CIT: variants seen among roughly 807,000 people sequenced by gnomAD.
CIT encodes the protein citron Rho-interacting kinase.
A neutral mutation model predicts 272.7 loss-of-function variants in CIT; 79 were observed. The ratio of observed to expected loss-of-function variants is 0.29; its 90% CI spans 0.24 to 0.35. CIT has a LOEUF of 0.35. Among genes scored for constraint, CIT ranks in the 10% least tolerant of loss-of-function variants. The pLI is 1.00. For synonymous variants in CIT, 948 were observed against 995.6 expected, an observed-to-expected ratio of 0.95 and a Z score of 0.90; for missense variants, 1,909 against 2,618.3, an observed-to-expected ratio of 0.73 and a Z score of 5.91.
chr12:119,742,366 T>A (rs915305796), intron 24 of CIT, 45 bp downstream of exon 24: 15 of 1,427,294 alleles, frequency 1.1e-5, no homozygotes, highest in Non-Finnish European at 1.4e-5. Context: ...CTCCTCTGTT[T>A]TAGTTTCATG....
Position 119,728,445 on chromosome 12 carries a change from C to G in CIT, c.3591+57G>C, listed in dbSNP as rs1277266369. 1.8e-6 allele frequency: 2 copies of G among 1,097,686 alleles called. No individual in the cohort carries two copies. Among genetic ancestry groups the G allele is most frequent in the Non-Finnish European group, 2.7e-6 (2 of 738,698 alleles). The allele number at this position is 1,097,686 out of a possible 1,614,324, so 68.0% of individuals were successfully genotyped here. ...CTAAAGCTGCTCCAAAAAAAAGAAGCCTATTAAAAGAAAAAAAAAATCCAC... is the reference window on the plus strand; with the variant it reads ...CTAAAGCTGCTCCAAAAAAAAGAAGGCTATTAAAAGAAAAAAAAAATCCAC... On this transcript the variant is annotated intron_variant, in intron 28 of 47. Coordinates refer to ENST00000392521, the MANE Select transcript of CIT (RefSeq NM_001206999.2). The surrounding 1 kb of genome is among the most constrained non-coding windows in gnomAD (Gnocchi z 4.3).
chr12:119,821,332 T>C (rs1414187777), intron 9 of CIT, among the ~76,000 whole-genome samples: 2 of 152,092 alleles, frequency 1.3e-5, no homozygotes, highest in African/African-American at 4.8e-5. Flanking sequence ...GCAAATACAT[T>C]TTGTGAGTCT....
At chr12:119,795,377 ACT>A (rs1965644886) in intron 10 of CIT, among the ~76,000 whole-genome samples, 1 of 152,200 alleles carries the variant, frequency 6.6e-6, no homozygotes, top group Admixed American at 6.5e-5. Context: ...ACAGAATGAG[ACT>A]CTGTCTCAAA....
chr12:119,815,287 T>C (rs908970466), intron 9 of CIT, among the ~76,000 whole-genome samples: 1 of 151,080 alleles, frequency 6.6e-6, no homozygotes, highest in Non-Finnish European at 1.5e-5. Flanking sequence ...GAGCACTGCT[T>C]ATCAGAAACC....
chr12:119,725,704 G>C (rs1047157203), intron 28 of CIT, among the ~76,000 whole-genome samples: 15 of 152,348 alleles, frequency 9.8e-5, no homozygotes, highest in Admixed American at 2.0e-4. Context: ...AAGTGAGAAG[G>C]AGGGAACTGA....
intron 1 of CIT, 79 bp from the exon 2 acceptor site, chr12:119,876,260 A>G (rs1950841963): frequency 7.0e-6 from 6 of 853,094 alleles, no homozygotes; most frequent in Admixed American, 2.3e-5. Context: ...CTCCCTCAAG[A>G]TATCAGGGAC....
intron 46 of CIT, among the ~76,000 whole-genome samples, chr12:119,692,799 C>T (rs1306360541): frequency 6.6e-6 from 1 of 152,240 alleles, no homozygotes; most frequent in Non-Finnish European, 1.5e-5. Flanking sequence ...ATGCCATGCT[C>T]TTGCTTTCCC....
chr12:119,835,739 T>C (rs1380368343), intron 5 of CIT, among the ~76,000 whole-genome samples: 2 of 152,094 alleles, frequency 1.3e-5, no homozygotes, highest in Non-Finnish European at 2.9e-5. Flanking sequence ...AAGTCAGAAG[T>C]AGAGCATCTG....
intron 16 of CIT, among the ~76,000 whole-genome samples, chr12:119,774,099 G>A (rs927689463): frequency 3.9e-5 from 6 of 152,188 alleles, no homozygotes; most frequent in African/African-American, 1.4e-4. Flanking sequence ...ATATAAAGTA[G>A]TCAAAATCAT....
chr12:119,792,326 C>A (rs570281524), intron 10 of CIT, among the ~76,000 whole-genome samples: 23 of 147,650 alleles, frequency 1.6e-4, no homozygotes, highest in Admixed American at 6.7e-4. Flanking sequence ...CAGCTGAGGG[C>A]CCCACCTTTA....
In CIT at chr12:119,690,486, G is replaced by A. The variant is rs1470197847; in HGVS notation, c.5883-32C>T. 1 of 1,536,246 alleles carries A rather than the reference G, an allele frequency of 6.5e-7. No individual in the cohort carries two copies. Among genetic ancestry groups the A allele is most frequent in the Non-Finnish European group, 8.7e-7 (1 of 1,152,576 alleles). ...ACACAAGAGGAACGTAGGGAGCTGC[G>A]AGGCCACAACCCCAGAGGGGCATTT... is the stretch of plus-strand genomic sequence containing the variant. On this transcript the variant is annotated intron_variant, in intron 46 of 47. Transcript: ENST00000392521. The surrounding 1 kb of genome is among the most constrained non-coding windows in gnomAD (Gnocchi z 6.0).
At chr12:119,702,655 A>C (rs987296283) in intron 41 of CIT, among the ~76,000 whole-genome samples, 3 of 152,068 alleles carry the variant, frequency 2.0e-5, no homozygotes, top group African/African-American at 7.2e-5. Context: ...CCATTGCACT[A>C]CAGCCTGGGC....
intron 23 of CIT, among the ~76,000 whole-genome samples, chr12:119,749,326 C>A (rs1463695526): frequency 3.3e-5 from 5 of 152,212 alleles, no homozygotes; most frequent in Non-Finnish European, 7.3e-5. Context: ...ATAGATCCAG[C>A]TGATTTCATT....
chr12:119,716,145 AGGCAAGTGGATCGCTTGAGGTCAG>A (rs1415913171), intron 32 of CIT, among the ~76,000 whole-genome samples: 1 of 152,120 alleles, frequency 6.6e-6, no homozygotes, highest in African/African-American at 2.4e-5. Flanking sequence ...TGGGAGGCCA[AGGCAAGTGGATCGCTTGAGGTCAG>A]GAGTTCAAGA....
intron 9 of CIT, among the ~76,000 whole-genome samples, chr12:119,821,860 GA>G (rs979667812): frequency 3.3e-5 from 5 of 152,128 alleles, no homozygotes; most frequent in African/African-American, 1.2e-4. Flanking sequence ...TGCCAAGAAA[GA>G]TTTATGGAAA....
chr12:119,843,962 A>G (rs565074033), intron 5 of CIT, among the ~76,000 whole-genome samples: 2 of 152,254 alleles, frequency 1.3e-5, no homozygotes, highest in South Asian at 2.1e-4. Flanking sequence ...ATCTTGAAGC[A>G]GAATGGGTTT....
chr12:119,693,116 A>C (rs956556880), intron 46 of CIT, among the ~76,000 whole-genome samples: 1 of 152,162 alleles, frequency 6.6e-6, no homozygotes, highest in African/African-American at 2.4e-5. Context: ...AGGGAAGGCC[A>C]TTCAGGACGT....
chr12:119,854,188 G>A (rs998982685), intron 4 of CIT, among the ~76,000 whole-genome samples: 17 of 151,896 alleles, frequency 1.1e-4, no homozygotes, highest in African/African-American at 3.9e-4. Context: ...CACCACACCC[G>A]GCTAATTTTT....
chr12:119,724,198 T>A (rs372620484), intron 28 of CIT, among the ~76,000 whole-genome samples: 16 of 152,172 alleles, frequency 1.1e-4, no homozygotes, highest in African/African-American at 3.6e-4. Flanking sequence ...GTCACAGAGA[T>A]AATAAAACTA....
Sources: gnomAD v4.1 joint callset for allele counts (sites outside exome capture counted in the v4.1 genomes callset) on GRCh38, gnomAD v4.1.1 for gene constraint, Gnocchi (gnomAD v3.1) non-coding constraint, MANE v1.5 for transcripts, NCBI Gene and HGNC (gene_info 2026-07-23, HGNC 2026-07-21) for gene names.